The following CNTN5 variants were observed in gnomAD, a reference collection of about 807,000 sequenced individuals.
CNTN5 encodes the protein contactin-5.
Under a neutral mutation model 129.1 loss-of-function variants are expected in CNTN5, and 77 were observed. That is an observed-to-expected ratio of 0.60 (90% CI 0.50 to 0.72). The LOEUF (loss-of-function observed/expected upper bound fraction) is 0.72. Among genes scored for constraint, CNTN5 ranks in the 30% least tolerant of loss-of-function variants. CNTN5 has a pLI of 0.00. For missense variants in CNTN5, 1,478 were observed against 1,328.8 expected (o/e 1.11, Z -1.75); for synonymous variants, 509 against 465.6 (o/e 1.09, Z -1.20).
At chr11:99,137,625 T>C (rs1277958882) in intron 1 of CNTN5, among the ~76,000 whole-genome samples, 1 of 152,172 alleles carries the variant, frequency 6.6e-6, no homozygotes, top group African/African-American at 2.4e-5. Context: ...GTATTCATAG[T>C]TGTAAGGAAA....
At position 99,390,457 on chromosome 11, in the gene CNTN5, A is replaced by G. The variant is rs558152928; in HGVS notation, c.-71+64973A>G. ...AGAAAAAAGAAAGATTTTAAAACAA[A>G]TATATCTTTACCTTATAATAAGTTG... On this transcript the variant is annotated intron_variant, in intron 2 of 24. Coordinates refer to ENST00000524871, the MANE Select transcript of CNTN5 (RefSeq NM_014361.4). Among the ~76,000 whole-genome samples the G allele has an allele frequency of 2.0e-5, 3 of 152,300 alleles. No individual in the cohort carries two copies. The South Asian group carries it at 6.2e-4, about 32-fold the overall frequency.
intron 6 of CNTN5, among the ~76,000 whole-genome samples, chr11:99,888,256 A>G (rs1227460275): frequency 6.6e-6 from 1 of 152,218 alleles, no homozygotes; most frequent in African/African-American, 2.4e-5. Context: ...GAAGGGATGT[A>G]CAGCCACAGT....
intron 8 of CNTN5, among the ~76,000 whole-genome samples, chr11:99,969,195 C>A (rs188389377): frequency 1.3e-5 from 2 of 152,164 alleles, no homozygotes; most frequent in African/African-American, 4.8e-5. Context: ...TGTCTTGAAA[C>A]CTTGGGAGAA....
intron 2 of CNTN5, among the ~76,000 whole-genome samples, chr11:99,391,631 A>G (rs1941264850): frequency 1.3e-5 from 2 of 152,078 alleles, no homozygotes; most frequent in African/African-American, 4.8e-5. Context: ...ATTATCCACA[A>G]TTCATAATAT....
chr11:100,298,187 G>C (rs1158998669), intron 19 of CNTN5, among the ~76,000 whole-genome samples: 1 of 151,318 alleles, frequency 6.6e-6, no homozygotes, highest in African/African-American at 2.4e-5. Flanking sequence ...ATGCCTGTTA[G>C]AGTAAATAGA....
At chr11:99,118,311 C>T (rs192161942) in intron 1 of CNTN5, among the ~76,000 whole-genome samples, 149 of 152,144 alleles carry the variant, frequency 9.8e-4, no homozygotes, top group African/African-American at 3.2e-3. Flanking sequence ...TTTTATTATA[C>T]ATTTTGATGA....
At chr11:99,729,652 A>G (rs113774901) in intron 3 of CNTN5, among the ~76,000 whole-genome samples, 2,919 of 152,308 alleles carry the variant, frequency 0.019, 45 homozygotes, top group Middle Eastern at 0.034. Flanking sequence ...AACCAACCCA[A>G]TGTCTATCAG....
intron 6 of CNTN5, among the ~76,000 whole-genome samples, chr11:99,888,860 A>AT (rs1477410992): frequency 6.6e-6 from 1 of 152,260 alleles, no homozygotes; most frequent in Non-Finnish European, 1.5e-5. Flanking sequence ...TGCGTGACGC[A>AT]GGGCAAATTT....
intron 2 of CNTN5, among the ~76,000 whole-genome samples, chr11:99,360,023 C>T (rs73543115): frequency 0.032 from 4,907 of 152,182 alleles, 264 homozygotes; most frequent in African/African-American, 0.11. Context: ...CCCATAAATA[C>T]ATATACCCAC....
At chr11:99,146,361 G>T (rs139294291) in intron 1 of CNTN5, among the ~76,000 whole-genome samples, 2,185 of 152,086 alleles carry the variant, frequency 0.014, 23 homozygotes, top group African/African-American at 0.029. Context: ...ACACATATTT[G>T]GCCTTTGTTC....
intron 21 of CNTN5, chr11:100,337,227 T>C: frequency 4.5e-6 from 7 of 1,541,492 alleles, no homozygotes; most frequent in Non-Finnish European, 5.4e-6. Flanking sequence ...CAGAAACATA[T>C]GTGAAAGTGG....
At chr11:99,460,269 T>C (rs1227824320) in intron 2 of CNTN5, among the ~76,000 whole-genome samples, 2 of 151,436 alleles carry the variant, frequency 1.3e-5, no homozygotes, top group Non-Finnish European at 3.0e-5. Context: ...ATTTAAGAAA[T>C]TATTTAAGAA....
intron 2 of CNTN5, among the ~76,000 whole-genome samples, chr11:99,400,016 T>G (rs1319396277): frequency 2.0e-5 from 3 of 152,116 alleles, no homozygotes; most frequent in Admixed American, 1.3e-4. Flanking sequence ...AATTATACTT[T>G]TAGTAATTGT....
chr11:99,877,186 A>C (rs1305630376), intron 6 of CNTN5, among the ~76,000 whole-genome samples: 1 of 152,218 alleles, frequency 6.6e-6, no homozygotes, highest in Non-Finnish European at 1.5e-5. Context: ...TGTGAAAAAG[A>C]AACTTTATTT....
chr11:100,090,111 C>A (rs1418035340), intron 13 of CNTN5, among the ~76,000 whole-genome samples: 1 of 152,076 alleles, frequency 6.6e-6, no homozygotes, highest in African/African-American at 2.4e-5. Flanking sequence ...ACCATATGAT[C>A]TTCTCAATAG....
intron 13 of CNTN5, among the ~76,000 whole-genome samples, chr11:100,182,988 A>G (rs748793796): frequency 7.9e-5 from 12 of 152,174 alleles, no homozygotes; most frequent in South Asian, 2.1e-4. Flanking sequence ...CACCAAAGAC[A>G]ATATGCAGAT....
chr11:100,339,645 G>A (rs1261915601), intron 21 of CNTN5, among the ~76,000 whole-genome samples: 1 of 152,130 alleles, frequency 6.6e-6, no homozygotes, highest in Admixed American at 6.5e-5. Context: ...CAGTTTCACT[G>A]GGGACCCATT....
Position 99,983,381 on chromosome 11 carries a change from A to G in CNTN5, c.878-18653A>G, listed in dbSNP as rs191373948. 5.3e-4 allele frequency among the ~76,000 whole-genome samples: 79 copies of G among 148,164 alleles called. 2 individuals carry two copies. The East Asian group carries it at 8.9e-3, about 17-fold the overall frequency. On this transcript the variant is annotated intron_variant, in intron 8 of 24. Transcript: ENST00000524871. ...AGGTGTGAGATTTGTGAGGAGAGGT[A>G]TCAGTAAGTATAGGACTGACAAGAG... is the stretch of plus-strand genomic sequence containing the variant.
At chr11:99,342,602 A>AAT (rs1565505832) in intron 2 of CNTN5, among the ~76,000 whole-genome samples, 5 of 114,692 alleles carry the variant, frequency 4.4e-5, no homozygotes, top group African/African-American at 1.4e-4. Context: ...AAAAAAAAAA[A>AAT]GCAGGGCGTG....
Sources: allele counts gnomAD v4.1 joint callset (sites outside exome capture counted in the v4.1 genomes callset), GRCh38; gene constraint gnomAD v4.1.1; transcripts MANE v1.5; gene names NCBI Gene and HGNC (gene_info 2026-07-23, HGNC 2026-07-21).